Variants in BPIFB1 observed in about 807,000 individuals in gnomAD.
BPIFB1 encodes the protein BPI fold containing family B member 1, also known as BPI fold-containing family B member 1.
Under a neutral mutation model 55.1 loss-of-function variants are expected in BPIFB1, and 34 were observed. That is an observed-to-expected ratio of 0.62 (90% CI 0.47 to 0.82). The LOEUF (loss-of-function observed/expected upper bound fraction) is 0.82. Ranked by LOEUF, BPIFB1 falls within the 40% of genes least tolerant of loss-of-function variation. The pLI is 0.00. For synonymous variants in BPIFB1, 236 were observed against 245.3 expected, an observed-to-expected ratio of 0.96 and a Z score of 0.35; for missense variants, 532 against 593.1, an observed-to-expected ratio of 0.90 and a Z score of 1.07.
chr20:33,294,028 C>T (rs758227331), intron 6 of BPIFB1, among the ~76,000 whole-genome samples: 148 of 152,224 alleles, frequency 9.7e-4, no homozygotes, highest in South Asian at 2.1e-3. Context: ...TATACTATTA[C>T]GTTTGTTTCT....
chr20:33,284,922 C>T (rs983263655), intron 1 of BPIFB1, among the ~76,000 whole-genome samples: 1 of 152,122 alleles, frequency 6.6e-6, no homozygotes, highest in Non-Finnish European at 1.5e-5. Flanking sequence ...TTCCTGGCTC[C>T]AAGAAGCCAT....
chr20:33,290,387 A>G (rs1329959904), intron 4 of BPIFB1, among the ~76,000 whole-genome samples: 1 of 152,180 alleles, frequency 6.6e-6, no homozygotes, highest in Admixed American at 6.5e-5. Context: ...GAGTGGAGAC[A>G]GGAAGGCTAT....
At chr20:33,297,641 C>T (rs767227231) in intron 7 of BPIFB1, 53 bp downstream of exon 7, 1 of 1,590,862 alleles carries the variant, frequency 6.3e-7, no homozygotes, top group Non-Finnish European at 8.6e-7. Flanking sequence ...AGCTGGCCTC[C>T]AGACCCTGAC....
chr20:33,292,133 C>T, intron 6 of BPIFB1, 145 bp downstream of exon 6: 1 of 771,650 alleles, frequency 1.3e-6, no homozygotes, highest in South Asian at 1.7e-5. Flanking sequence ...AGCAAAGAGT[C>T]ATGGAGTGGG....
At chr20:33,305,916 T>C (rs1414631209) in intron 13 of BPIFB1, 86 bp from the exon 14 acceptor site, 2 of 1,447,438 alleles carry the variant, frequency 1.4e-6, no homozygotes, top group South Asian at 1.1e-5. Context: ...ACCTCACCCA[T>C]GGGGAGGAGC....
chr20:33,297,514 T>C lies in BPIFB1; in HGVS notation c.598-11T>C, dbSNP rs776742297. 1 of 1,614,174 alleles carries C rather than the reference T, an allele frequency of 6.2e-7. No homozygotes were observed. The highest frequency in any genetic ancestry group is 8.5e-7 in the Non-Finnish European group (1 of 1,179,998). On this transcript the variant is annotated splice_polypyrimidine_tract_variant and intron_variant, in intron 6 of 15. Transcript: ENST00000253354. ...CCTCCCTGATGGAGCCCCTTGCTTA[T>C]GCTGTTGCAGCTGTGTCCCGTGATC...
At chr20:33,301,158 C>A in intron 8 of BPIFB1, 75 bp from the exon 9 acceptor site, 1 of 1,429,248 alleles carries the variant, frequency 7.0e-7, no homozygotes, top group Non-Finnish European at 9.6e-7. Context: ...TGAATGGTGT[C>A]ATTTCCTTCT....
chr20:33,306,821 CG>C (rs1981043001), intron 14 of BPIFB1, 89 bp from the exon 15 acceptor site: 1 of 1,088,646 alleles, frequency 9.2e-7, no homozygotes, highest in African/African-American at 1.5e-5. Flanking sequence ...CCTGCCAGGC[CG>C]GGGCTCCCCT....
At chr20:33,284,387 GA>G (rs1980197468) in intron 1 of BPIFB1, among the ~76,000 whole-genome samples, 1 of 152,148 alleles carries the variant, frequency 6.6e-6, no homozygotes, top group African/African-American at 2.4e-5. Context: ...GGGGCTTCCA[GA>G]GGCTATGCAA....
intron 6 of BPIFB1, among the ~76,000 whole-genome samples, chr20:33,295,694 G>GAAAGAAAGAAAGAAAGAAAGAAAGAA (rs1980624286): frequency 7.4e-6 from 1 of 134,834 alleles, no homozygotes; most frequent in African/African-American, 3.8e-5. Context: ...GAAAAAAAGG[G>GAAAGAAAGAAAGAAAGAAAGAAAGAA]AGAAAAGGAA....
intron 14 of BPIFB1, 53 bp downstream of exon 14, chr20:33,306,118 T>C: frequency 2.5e-6 from 4 of 1,586,696 alleles, no homozygotes; most frequent in Non-Finnish European, 3.5e-6. Flanking sequence ...TGGCTTTACT[T>C]CCCCTGCCCT....
chr20:33,309,607 C>A lies in BPIFB1; in HGVS notation c.1396-101C>A. ...TATTTGTGGGTTCAGGGTCATGGTC[C>A]CCCGGTGCCAGCAGTCACCTTATGG... On this transcript the variant is annotated intron_variant, in intron 15 of 15. Coordinates refer to ENST00000253354, the MANE Select transcript of BPIFB1 (RefSeq NM_033197.3). The surrounding 1 kb of genome is among the most constrained non-coding windows in gnomAD (Gnocchi z 4.4). 8.9e-7 allele frequency: 1 copy of A among 1,118,906 alleles called. No individual in the cohort carries two copies. Among genetic ancestry groups the A allele is most frequent in the Non-Finnish European group, 1.4e-6 (1 of 738,124 alleles). 69.3% of individuals were successfully genotyped at this position (1,118,906 alleles called of 1,614,324 possible).
chr20:33,302,379 G>T lies in BPIFB1; in HGVS notation c.948G>T (p.Arg316=), dbSNP rs770275449. Residue 316 remains arginine (R), a synonymous_variant, in exon 10 of 16, where the codon CGG becomes CGT. Coordinates refer to ENST00000253354, the MANE Select transcript of BPIFB1 (RefSeq NM_033197.3). The stretch of plus-strand genomic sequence containing the variant: ...CTCAGCTTCCTGAGAGTGCCCATCG[G>T]CTGAAGTCAAGCATCGGGCTGATCA... ...LDSVLPESAH[R]LKSSIGLINE... is the part of the protein sequence containing the mutation. 1.2e-6 allele frequency: 2 copies of T among 1,613,958 alleles called. No homozygotes were observed. Among genetic ancestry groups the T allele is most frequent in the Non-Finnish European group, 1.7e-6 (2 of 1,179,984 alleles).
chr20:33,301,261 T>C lies in BPIFB1; in HGVS notation c.776T>C (p.Val259Ala). 6.2e-7 allele frequency: 1 copy of C among 1,614,188 alleles called. No individual in the cohort carries two copies. The highest frequency in any genetic ancestry group is 1.7e-4 in the Middle Eastern group (1 of 6,050). ...AAGTTGTTGGACTCACAGGGAAAGG[T>C]GACCAAGTGGTTCAATAACTCTGCA... ...GAKLLDSQGK[V>A]TKWFNNSAAS... The change falls in exon 9 of 16, where the codon GTG becomes GCG. Residue 259 changes from valine to alanine, a missense_variant. Transcript: ENST00000253354.
chr20:33,300,427 C>T (rs1010208482), intron 8 of BPIFB1, among the ~76,000 whole-genome samples: 1 of 152,190 alleles, frequency 6.6e-6, no homozygotes, highest in African/African-American at 2.4e-5. Context: ...TAATAATGGC[C>T]ACTGAGGAGA....
At position 33,301,325 on chromosome 20, in the gene BPIFB1, C is replaced by T. The variant is rs988023617; in HGVS notation, c.840C>T (p.Phe280=). Reference sequence around the variant, plus strand: ...TGCCCACCCTGGACAACATCCCGTTCAGCCTCATCGTGAGTCAGGACGTGG... The same window carrying T: ...TGCCCACCCTGGACAACATCCCGTTTAGCCTCATCGTGAGTCAGGACGTGG... The part of the protein sequence containing the change: ...LTMPTLDNIP[F]SLIVSQDVVK... The change falls in exon 9 of 16, where the codon TTC becomes TTT. Residue 280 remains phenylalanine (F), a synonymous_variant. Transcript: ENST00000253354. 1 of 1,614,080 alleles carries T rather than the reference C, an allele frequency of 6.2e-7. No individual in the cohort carries two copies. Among genetic ancestry groups the T allele is most frequent in the African/African-American group, 1.3e-5 (1 of 74,928 alleles).
chr20:33,283,427 C>T (rs1055910416), intron 1 of BPIFB1, among the ~76,000 whole-genome samples, 173 bp downstream of exon 1: 2 of 152,134 alleles, frequency 1.3e-5, no homozygotes, highest in African/African-American at 4.8e-5. Context: ...CCAGCTCCCT[C>T]GCCCAGAGGA....
chr20:33,292,040 G>T (rs748410203), intron 6 of BPIFB1, 52 bp downstream of exon 6: 4 of 1,549,910 alleles, frequency 2.6e-6, no homozygotes, highest in South Asian at 1.1e-5. Flanking sequence ...CCCCTGTGGG[G>T]CTTGGGTGGA....
chr20:33,300,047 A>G, intron 8 of BPIFB1, 63 bp downstream of exon 8: 3 of 1,400,224 alleles, frequency 2.1e-6, no homozygotes, highest in South Asian at 1.2e-5. Flanking sequence ...GACCACCAGG[A>G]GTCAGATAGC....
Sources: allele counts gnomAD v4.1 joint callset (sites outside exome capture counted in the v4.1 genomes callset), GRCh38; gene constraint gnomAD v4.1.1; non-coding constraint Gnocchi (gnomAD v3.1); transcripts MANE v1.5; gene names NCBI Gene and HGNC (gene_info 2026-07-23, HGNC 2026-07-21).